HAUS6: variants seen among roughly 807,000 people sequenced by gnomAD.
The protein encoded by HAUS6 is HAUS augmin like complex subunit 6.
A neutral mutation model predicts 106.8 loss-of-function variants in HAUS6; 80 were observed. The observed-to-expected ratio is 0.75, with a 90% CI of 0.63 to 0.90. The LOEUF (loss-of-function observed/expected upper bound fraction) is 0.90, where lower values mean the gene tolerates loss of function less well. Among genes scored for constraint, HAUS6 ranks in the 40% least tolerant of loss-of-function variants. HAUS6 has a pLI of 0.00. For missense variants in HAUS6, 1,155 were observed against 1,118.1 expected, an observed-to-expected ratio of 1.03 and a Z score of -0.47; for synonymous variants, 356 against 379.1, an observed-to-expected ratio of 0.94 and a Z score of 0.71.
Position 19,102,693 on chromosome 9 carries a change from G to T in HAUS6, c.-42C>A, listed in dbSNP as rs763758678. 2.0e-5 allele frequency: 32 copies of T among 1,592,264 alleles called. No individual in the cohort carries two copies. Among genetic ancestry groups the T allele is most frequent in the Non-Finnish European group, 2.6e-5 (30 of 1,168,314 alleles). ...GTGGCTGCAAAGAAAGAAAGCGCAA[G>T]CCCAGGGGACTCGGAGGGCCCTCAA... On this transcript the variant is annotated 5_prime_UTR_variant, in exon 1 of 17. Transcript: ENST00000380502.
At position 19,070,310 on chromosome 9, in the gene HAUS6, T is replaced by C. The variant is rs1384255302; in HGVS notation, c.1295-10A>G. On this transcript the variant is annotated splice_polypyrimidine_tract_variant and intron_variant, in intron 11 of 16. Transcript: ENST00000380502. ...TGTTGCTTATGTGCATCTAAAGAAA[T>C]TTAAAAATTGGTTACTCTTTAATTA... 6.2e-6 allele frequency: 9 copies of C among 1,458,152 alleles called. No homozygotes were observed. Among genetic ancestry groups the C allele is most frequent in the Non-Finnish European group, 8.6e-6 (9 of 1,040,860 alleles). 90.3% of individuals were successfully genotyped at this position (1,458,152 alleles called of 1,614,324 possible).
intron 9 of HAUS6, among the ~76,000 whole-genome samples, chr9:19,079,817 C>T (rs1229417552): frequency 1.3e-5 from 2 of 150,908 alleles, no homozygotes; most frequent in Non-Finnish European, 2.9e-5. Flanking sequence ...GCAGGAGAAT[C>T]GCATGAACCC....
In HAUS6 at chr9:19,067,483, G is replaced by A. The variant is rs116554168; in HGVS notation, c.1376+2736C>T. Among the ~76,000 whole-genome samples the A allele has an allele frequency of 3.8e-3, 584 of 152,158 alleles. 6 individuals are homozygous for A. The highest frequency in any genetic ancestry group is 0.013 in the African/African-American group (558 of 41,502). ...CCAGGCCTTCCCCTACCTCCCTTCAGTATTTCAAATCTATAATTAAAATAA... is the reference window on the plus strand; with the variant it reads ...CCAGGCCTTCCCCTACCTCCCTTCAATATTTCAAATCTATAATTAAAATAA... On this transcript the variant is annotated intron_variant, in intron 12 of 16. Transcript: ENST00000380502.
At chr9:19,080,373 C>A in intron 9 of HAUS6, 106 bp downstream of exon 9, 1 of 699,842 alleles carries the variant, frequency 1.4e-6, no homozygotes, top group South Asian at 1.7e-5. Flanking sequence ...TATTAGAATT[C>A]TCATACTTGT....
At chr9:19,078,393 G>A (rs1837058668) in intron 9 of HAUS6, 91 bp from the exon 10 acceptor site, 1 of 727,578 alleles carries the variant, frequency 1.4e-6, no homozygotes, top group Non-Finnish European at 2.3e-6. Context: ...GTAGAGAAGT[G>A]GAAGGAAATA....
intron 12 of HAUS6, among the ~76,000 whole-genome samples, chr9:19,068,320 T>C (rs112726130): frequency 3.3e-5 from 5 of 151,376 alleles, no homozygotes; most frequent in East Asian, 3.9e-4. Flanking sequence ...CAAATCCAGA[T>C]AGACTAAAAT....
chr9:19,084,154 C>T (rs555183620), intron 7 of HAUS6, among the ~76,000 whole-genome samples: 16 of 151,766 alleles, frequency 1.1e-4, no homozygotes, highest in Non-Finnish European at 2.1e-4. Context: ...TACATTGGTG[C>T]TATATTCATA....
intron 3 of HAUS6, 61 bp from the exon 4 acceptor site, chr9:19,093,364 A>T (rs1588626454): frequency 7.2e-7 from 1 of 1,388,538 alleles, no homozygotes; most frequent in Non-Finnish European, 1.0e-6. Context: ...TTACATTTAC[A>T]TCACACTATT....
chr9:19,089,125 C>G (rs1817691965), intron 5 of HAUS6, among the ~76,000 whole-genome samples: 1 of 152,058 alleles, frequency 6.6e-6, no homozygotes, highest in Non-Finnish European at 1.5e-5. Flanking sequence ...CGCCAATAAT[C>G]CCAGGTACTC....
rs1180896371 is a variant in HAUS6, at chr9:19,076,596, A to T, written c.1294+6T>A. 2.9e-6 allele frequency: 4 copies of T among 1,378,184 alleles called. No individual in the cohort carries two copies. The highest frequency in any genetic ancestry group is 1.8e-5 in the Admixed American group (1 of 56,030). The allele number at this position is 1,378,184 out of a possible 1,614,324, so 85.4% of individuals were successfully genotyped here. On this transcript the variant is annotated splice_donor_region_variant and intron_variant, in intron 11 of 16. Transcript: ENST00000380502. ...TCAAAGAGAAAAAAATAAATAAATA[A>T]CCAACCTGGAAGTGAAGCAGGATAC...
intron 12 of HAUS6, among the ~76,000 whole-genome samples, chr9:19,067,036 T>C (rs1836772981): frequency 6.6e-6 from 1 of 151,508 alleles, no homozygotes. Flanking sequence ...ATGAGATTTA[T>C]GGAAAAGACT....
At chr9:19,079,164 C>CAA (rs145287970) in intron 9 of HAUS6, among the ~76,000 whole-genome samples, 2 of 74,898 alleles carry the variant, frequency 2.7e-5, no homozygotes, top group Non-Finnish European at 5.1e-5. Context: ...AATGCCGTCT[C>CAA]AAAAAAAAAA....
At chr9:19,061,559 G>C (rs780228617) in intron 14 of HAUS6, among the ~76,000 whole-genome samples, 1 of 152,084 alleles carries the variant, frequency 6.6e-6, no homozygotes, top group Non-Finnish European at 1.5e-5. Context: ...ATCCAGTCAG[G>C]CATGGTGGCT....
chr9:19,087,187 AATACCATTAC>A (rs764841211), intron 5 of HAUS6, 31 bp from the exon 6 acceptor site: 16 of 1,191,622 alleles, frequency 1.3e-5, no homozygotes, highest in Non-Finnish European at 1.9e-5. Flanking sequence ...TGACAACTAT[AATACCATTAC>A]GATTAATTAG....
At chr9:19,085,723 C>T (rs1239946431) in intron 7 of HAUS6, among the ~76,000 whole-genome samples, 1 of 152,058 alleles carries the variant, frequency 6.6e-6, no homozygotes, top group Non-Finnish European at 1.5e-5. Context: ...CCTGCCAAAC[C>T]AGACTCATTT....
intron 10 of HAUS6, 149 bp downstream of exon 10, chr9:19,078,027 C>A: frequency 1.6e-6 from 1 of 616,672 alleles, no homozygotes; most frequent in Non-Finnish European, 2.9e-6. Context: ...TGCCACCGTA[C>A]TCCAGCCAGC....
At chr9:19,077,663 C>T (rs1837041420) in intron 10 of HAUS6, among the ~76,000 whole-genome samples, 1 of 152,078 alleles carries the variant, frequency 6.6e-6, no homozygotes, top group South Asian at 2.1e-4. Context: ...GAAACCATAA[C>T]ATAGAAACTT....
intron 14 of HAUS6, among the ~76,000 whole-genome samples, chr9:19,060,460 T>A (rs921661767): frequency 6.6e-6 from 1 of 152,240 alleles, no homozygotes; most frequent in Non-Finnish European, 1.5e-5. Context: ...TATCCCATTA[T>A]AAAGGAGAGA....
At chr9:19,099,874 A>G (rs559315993) in intron 1 of HAUS6, among the ~76,000 whole-genome samples, 1 of 152,236 alleles carries the variant, frequency 6.6e-6, no homozygotes, top group African/African-American at 2.4e-5. Context: ...ACACAGTGAG[A>G]ACCCATCTCT....
Sources: gnomAD v4.1 joint callset for allele counts (sites outside exome capture counted in the v4.1 genomes callset) on GRCh38, gnomAD v4.1.1 for gene constraint, MANE v1.5 for transcripts, NCBI Gene and HGNC (gene_info 2026-07-23, HGNC 2026-07-21) for gene names.